The following LARP1 variants were observed in gnomAD, a reference collection of about 807,000 sequenced individuals.
LARP1 encodes the protein La ribonucleoprotein 1, translational regulator, also known as la-related protein 1.
A neutral mutation model predicts 122.7 loss-of-function variants in LARP1; 36 were observed. That is an observed-to-expected ratio of 0.29 (90% CI 0.22 to 0.39). The LOEUF (loss-of-function observed/expected upper bound fraction) is 0.39, where lower values mean the gene tolerates loss of function less well. Among genes scored for constraint, LARP1 ranks in the 10% least tolerant of loss-of-function variants. The pLI, the probability that LARP1 is intolerant of heterozygous loss-of-function variation, is 1.00. For synonymous variants in LARP1, 539 were observed against 528.7 expected, an observed-to-expected ratio of 1.02 and a Z score of -0.27; for missense variants, 1,040 against 1,403.6, an observed-to-expected ratio of 0.74 and a Z score of 4.14.
chr5:154,705,506 G>T, intron 1 of LARP1: 1 of 152,306 alleles, frequency 6.6e-6, no homozygotes, highest in Non-Finnish European at 1.5e-5. Context: ...CCGAGTAGGT[G>T]GGATTACAGG....
intron 18 of LARP1, among the ~76,000 whole-genome samples, chr5:154,812,175 G>A (rs908924393): frequency 2.6e-5 from 4 of 152,188 alleles, no homozygotes; most frequent in Non-Finnish European, 1.5e-5. Context: ...AGAGATAAGG[G>A]AAAGAGGCTC....
intron 8 of LARP1, among the ~76,000 whole-genome samples, chr5:154,798,839 G>A (rs1332619663): frequency 2.0e-5 from 3 of 151,872 alleles, no homozygotes; most frequent in African/African-American, 4.9e-5. Context: ...CTCAGCACAT[G>A]TAAAGTTGGT....
At chr5:154,795,932 ATATT>A (rs1464990914) in intron 8 of LARP1, among the ~76,000 whole-genome samples, 47 of 119,240 alleles carry the variant, frequency 3.9e-4, no homozygotes, top group African/African-American at 1.5e-3. Context: ...TTATATTTAT[ATATT>A]ATATATTTAT....
chr5:154,791,424 C>G (rs1451217024), intron 3 of LARP1, among the ~76,000 whole-genome samples: 1 of 151,932 alleles, frequency 6.6e-6, no homozygotes, highest in Non-Finnish European at 1.5e-5. Flanking sequence ...GTTGGCCAGG[C>G]TGGGCTTGAA....
intron 1 of LARP1, among the ~76,000 whole-genome samples, chr5:154,775,005 G>C (rs1755756710): frequency 6.6e-6 from 1 of 152,134 alleles, no homozygotes; most frequent in Admixed American, 6.5e-5. Context: ...GTGCTGCCAG[G>C]GGGAGATCAG....
At chr5:154,693,701 A>G (rs2113216143) in intron 1 of LARP1, among the ~76,000 whole-genome samples, 1 of 152,156 alleles carries the variant, frequency 6.6e-6, no homozygotes, top group Middle Eastern at 3.4e-3. Context: ...TAAAAAATAC[A>G]AAAAATTAGC....
rs1759686422 is a variant in LARP1 at position 154,816,576 on chromosome 5, G to A, written c.*2480G>A. ...TGTTTTTGTTTTTGGTAACATGTTA[G>A]GAGTTAATGTTGCAAAGAGTAGTTT... is the stretch of plus-strand genomic sequence containing the variant. On this transcript the variant is annotated 3_prime_UTR_variant, in exon 19 of 19. Transcript: ENST00000518297. The A allele has an allele frequency of 6.6e-6, 1 of 152,468 alleles. No homozygotes were observed. The highest frequency in any genetic ancestry group is 2.1e-4 in the South Asian group (1 of 4,822). The allele number at this position is 152,468 out of a possible 1,614,324, so 9.4% of individuals were successfully genotyped here. A position where few individuals can be genotyped will look rare whatever the true frequency, so the allele number is the denominator to read the frequency against.
intron 1 of LARP1, among the ~76,000 whole-genome samples, chr5:154,787,287 CCT>C (rs990703315): frequency 1.2e-4 from 19 of 152,156 alleles, no homozygotes; most frequent in Non-Finnish European, 1.2e-4. Flanking sequence ...AGAATTATCC[CCT>C]GATTTGGCTG....
chr5:154,805,681 CCT>C (rs1758716237), intron 14 of LARP1, 198 bp from the exon 15 acceptor site: 1 of 572,250 alleles, frequency 1.7e-6, no homozygotes, highest in Admixed American at 3.2e-5. Flanking sequence ...GCCTCAGTAT[CCT>C]CTGTAAAACT....
chr5:154,766,795 T>C (rs1242558695), intron 1 of LARP1, among the ~76,000 whole-genome samples: 16 of 152,208 alleles, frequency 1.1e-4, no homozygotes, highest in South Asian at 2.1e-4. Flanking sequence ...CTTGAGAACA[T>C]TGGGCTATAG....
In LARP1 at chr5:154,791,069, A is replaced by G. The variant is rs921080843; in HGVS notation, c.564+359A>G. Among the ~76,000 whole-genome samples the G allele has an allele frequency of 1.1e-3, 174 of 151,368 alleles. 1 individual carries two copies. The highest frequency in any genetic ancestry group is 4.0e-3 in the African/African-American group (165 of 41,238). ...TGACCTCAAGTGATCTGCCTGCCTC[A>G]GCCTCCCAAAGTGCTGGGATTACAG... On this transcript the variant is annotated intron_variant, in intron 3 of 18. Transcript: ENST00000518297.
At chr5:154,734,116 G>T (rs1340932718) in intron 1 of LARP1, among the ~76,000 whole-genome samples, 1 of 150,872 alleles carries the variant, frequency 6.6e-6, no homozygotes, top group African/African-American at 2.4e-5. Context: ...GCAGTGAGCC[G>T]AGATCACGCT....
chr5:154,700,597 G>A (rs1451718364), intron 1 of LARP1, among the ~76,000 whole-genome samples: 1 of 152,042 alleles, frequency 6.6e-6, no homozygotes, highest in Non-Finnish European at 1.5e-5. Flanking sequence ...TTGTTGTTGT[G>A]GTTTGAGACA....
intron 1 of LARP1, among the ~76,000 whole-genome samples, chr5:154,726,583 T>G (rs1342863300): frequency 6.6e-6 from 1 of 152,176 alleles, no homozygotes; most frequent in Non-Finnish European, 1.5e-5. Flanking sequence ...TCACGGAGTA[T>G]CAAATGAAAA....
intron 4 of LARP1, among the ~76,000 whole-genome samples, chr5:154,793,141 C>T (rs1757467405): frequency 6.6e-6 from 1 of 152,192 alleles, no homozygotes; most frequent in East Asian, 1.9e-4. Context: ...TACACCGGTT[C>T]TTCATATCAT....
At chr5:154,777,654 C>G (rs986270794) in intron 1 of LARP1, among the ~76,000 whole-genome samples, 2 of 152,138 alleles carry the variant, frequency 1.3e-5, no homozygotes, top group Non-Finnish European at 2.9e-5. Flanking sequence ...TGACTATAGT[C>G]AGCAATAATT....
chr5:154,804,857 G>A (rs1363489067), intron 14 of LARP1: 3 of 456,050 alleles, frequency 6.6e-6, no homozygotes, highest in African/African-American at 6.0e-5. Flanking sequence ...TCTACTCCCT[G>A]CAGAGATGGC....
rs1240531528 is a variant in LARP1 at position 154,740,412 on chromosome 5, AAG to A, written c.205+27284_205+27285del. On this transcript the variant is annotated intron_variant, in intron 1 of 18. Coordinates refer to the LARP1 transcript ENST00000336314. The stretch of plus-strand genomic sequence containing the variant: ...CTGTCTCAAAAAAAAAAAAAAAAAA[AAG>A]ATTAAATTACCACCACCAACACTCA... Among the ~76,000 whole-genome samples, 468 of 151,380 alleles carry A rather than the reference AAG, an allele frequency of 3.1e-3. 6 individuals are homozygous for A. The highest frequency in any genetic ancestry group is 0.01 in the African/African-American group (428 of 41,090).
At chr5:154,753,768 C>T (rs922240436), upstream of LARP1, among the ~76,000 whole-genome samples, 5 of 152,214 alleles carry the variant, frequency 3.3e-5, no homozygotes, top group East Asian at 3.8e-4. Context: ...TGGAAGTAGA[C>T]ATGGCATTAC....
Sources: allele counts gnomAD v4.1 joint callset (sites outside exome capture counted in the v4.1 genomes callset), GRCh38; gene constraint gnomAD v4.1.1; transcripts MANE v1.5; gene names NCBI Gene and HGNC (gene_info 2026-07-23, HGNC 2026-07-21).